The following COPRS variants were observed in gnomAD, a reference collection of about 807,000 sequenced individuals.
The protein encoded by COPRS is cooperator of PRMT5.
Under a neutral mutation model 19.9 loss-of-function variants are expected in COPRS, and 11 were observed. The ratio of observed to expected loss-of-function variants is 0.55; its 90% CI spans 0.35 to 0.92. COPRS has a LOEUF of 0.92. COPRS is among the 40% of genes least tolerant of loss of function. COPRS has a pLI of 0.01. For missense variants in COPRS, 225 were observed against 229.9 expected, an observed-to-expected ratio of 0.98 and a Z score of 0.14; for synonymous variants, 81 against 82.7, an observed-to-expected ratio of 0.98 and a Z score of 0.11.
intron 2 of COPRS, among the ~76,000 whole-genome samples, chr17:31,854,576 G>A (rs1409796680): frequency 6.6e-6 from 1 of 152,026 alleles, no homozygotes; most frequent in Non-Finnish European, 1.5e-5. Flanking sequence ...TCCATCAATG[G>A]ATGAATGGAA....
chr17:31,855,084 G>GA (rs1283571705), intron 2 of COPRS, among the ~76,000 whole-genome samples: 3 of 150,914 alleles, frequency 2.0e-5, no homozygotes, highest in East Asian at 1.9e-4. Flanking sequence ...AGAGTTAAAA[G>GA]AAAAAAAAAG....
rs1030271248 is a variant in COPRS at position 31,852,216 on chromosome 17, G to A, written c.478C>T (p.His160Tyr). The change falls in exon 4 of 4, where the codon CAC (histidine) becomes TAC (tyrosine). Residue 160 changes from histidine to tyrosine, a missense_variant. His to Tyr is a moderately conservative substitution (Grantham distance 83). This residue lies in a region of COPRS where 170 missense variants were observed against 171.4 expected (regional missense o/e 0.99). Coordinates refer to ENST00000302362, the MANE Select transcript of COPRS (RefSeq NM_018405.4). ...TAGGGTATCAGTGGAGGCGGATGGT[G>A]CCAGCTGGGGTCATAGATCATGTCT... ...QGDMIYDPSWHHPPPLIPYYS... is the reference protein window; with the variant it reads ...QGDMIYDPSWYHPPPLIPYYS... 12 of 1,614,014 alleles carry A rather than the reference G, an allele frequency of 7.4e-6. No individual in the cohort carries two copies. Among genetic ancestry groups the A allele is most frequent in the Non-Finnish European group, 1.0e-5 (12 of 1,180,012 alleles).
rs200190644 is a variant in COPRS, at chr17:31,852,314, G to C, written c.386-6C>G. 151 of 1,598,294 alleles carry C rather than the reference G, an allele frequency of 9.4e-5. No individual in the cohort carries two copies. In the African/African-American group the frequency reaches 1.9e-3, roughly 21 times the overall value. ...CTCCTGGATGTCGTCAGCATCTGCAGGCAGTTTTAAAAGACAGATTAAGGG... is the reference window on the plus strand; with the variant it reads ...CTCCTGGATGTCGTCAGCATCTGCACGCAGTTTTAAAAGACAGATTAAGGG... On this transcript the variant is annotated splice_polypyrimidine_tract_variant and splice_region_variant and intron_variant, in intron 3 of 3. Coordinates refer to ENST00000302362, the MANE Select transcript of COPRS (RefSeq NM_018405.4).
Position 31,859,229 on chromosome 17 carries a change from A to T in COPRS, c.-30T>A, listed in dbSNP as rs934785858. 2.1e-6 allele frequency: 2 copies of T among 955,446 alleles called. No homozygotes were observed. The highest frequency in any genetic ancestry group is 3.5e-5 in the African/African-American group (2 of 56,836). 59.2% of individuals were successfully genotyped at this position (955,446 alleles called of 1,614,324 possible). On this transcript the variant is annotated 5_prime_UTR_variant, in exon 1 of 4. Coordinates refer to ENST00000302362, the MANE Select transcript of COPRS (RefSeq NM_018405.4). ...TGCGGCCCGCGGCTGGTCGCCCTGG[A>T]CGCCGTGGGCCACGTGACGCGCCGG...
chr17:31,859,170 C>G lies in COPRS; in HGVS notation c.30G>C (p.Ala10=). MDLQAAGAQ[A]QGAAEPSRGP... is the part of the protein sequence containing the mutation. ...CCCGAGACGGCTCCGCGGCCCCCTG[C>G]GCCTGGGCCCCGGCGGCCTGAAGGT... Residue 10 remains alanine (A), a synonymous_variant, in exon 1 of 4, where the codon GCG becomes GCC. Coordinates refer to ENST00000302362, the MANE Select transcript of COPRS (RefSeq NM_018405.4). The G allele has an allele frequency of 9.4e-7, 1 of 1,065,038 alleles. No homozygotes were observed. Among genetic ancestry groups the G allele is most frequent in the Non-Finnish European group, 1.1e-6 (1 of 882,248 alleles). The allele number at this position is 1,065,038 out of a possible 1,614,324, so 66.0% of individuals were successfully genotyped here. A position where few individuals can be genotyped will look rare whatever the true frequency, so the allele number is the denominator to read the frequency against.
intron 2 of COPRS, among the ~76,000 whole-genome samples, chr17:31,856,361 C>A (rs1293664566): frequency 1.3e-5 from 2 of 152,016 alleles, no homozygotes; most frequent in Non-Finnish European, 2.9e-5. Flanking sequence ...TGAGAGAGAA[C>A]ACATTCACGT....
Position 31,859,105 on chromosome 17 carries a change from G to A in COPRS, c.95C>T (p.Pro32Leu). 9.1e-7 allele frequency: 1 copy of A among 1,095,552 alleles called. No homozygotes were observed. 67.9% of individuals were successfully genotyped at this position (1,095,552 alleles called of 1,614,324 possible). A position where few individuals can be genotyped will look rare whatever the true frequency, so the allele number is the denominator to read the frequency against. Residue 32 changes from proline to leucine, a missense_variant, in exon 1 of 4, where the codon CCG (proline) becomes CTG (leucine). Pro to Leu is a moderately conservative substitution (Grantham distance 98, BLOSUM62 -3). Coordinates refer to ENST00000302362, the MANE Select transcript of COPRS (RefSeq NM_018405.4). Reference sequence around the variant, plus strand: ...TGGCCCCCACGCGGCGCTCACCTCCGGGCTGGGGGGCGCCCCCCGCGCGCT... The same window carrying A: ...TGGCCCCCACGCGGCGCTCACCTCCAGGCTGGGGGGCGCCCCCCGCGCGCT... ...LPSARGAPPS[P>L]EAGFATADHS...
At chr17:31,856,621 G>C (rs746928569) in intron 2 of COPRS, 178 bp downstream of exon 2, 2 of 643,582 alleles carry the variant, frequency 3.1e-6, no homozygotes, top group Non-Finnish European at 5.4e-6. Context: ...AAAAGTTCAG[G>C]ACTTCCCTTA....
chr17:31,853,158 A>G lies in COPRS; in HGVS notation c.167-128T>C, dbSNP rs139324450. On this transcript the variant is annotated intron_variant, in intron 2 of 3. Coordinates refer to ENST00000302362, the MANE Select transcript of COPRS (RefSeq NM_018405.4). ...TGCACAGAGTCTTCTTTAGCCACCG[A>G]GCACTTTTTTAAAAATGCACTTCTT... 2.0e-3 allele frequency: 1,395 copies of G among 711,232 alleles called. 16 individuals carry two copies. The African/African-American group carries it at 0.023, about 11-fold the overall frequency. The allele number at this position is 711,232 out of a possible 1,614,324, so 44.1% of individuals were successfully genotyped here. A position where few individuals can be genotyped will look rare whatever the true frequency, so the allele number is the denominator to read the frequency against.
In COPRS at chr17:31,859,222, G is replaced by A; in HGVS notation, c.-23C>T. ...CATGCCCTGCGGCCCGCGGCTGGTCGCCCTGGACGCCGTGGGCCACGTGAC... is the reference window on the plus strand; with the variant it reads ...CATGCCCTGCGGCCCGCGGCTGGTCACCCTGGACGCCGTGGGCCACGTGAC... On this transcript the variant is annotated 5_prime_UTR_variant, in exon 1 of 4. Coordinates refer to ENST00000302362, the MANE Select transcript of COPRS (RefSeq NM_018405.4). The A allele has an allele frequency of 1.0e-6, 1 of 996,872 alleles. No individual in the cohort carries two copies. 61.8% of individuals were successfully genotyped at this position (996,872 alleles called of 1,614,324 possible).
chr17:31,852,109 C>T lies in COPRS; in HGVS notation c.*30G>A, dbSNP rs747608626. On this transcript the variant is annotated 3_prime_UTR_variant, in exon 4 of 4. Transcript: ENST00000302362. ...GAAAAGAGATCTTGACGTGGAGGCC[C>T]GCCCACCTACAAGGCAGAAAGCTCC... 5.6e-6 allele frequency: 9 copies of T among 1,612,526 alleles called. No individual in the cohort carries two copies. Among genetic ancestry groups the T allele is most frequent in the Admixed American group, 1.7e-5 (1 of 59,940 alleles).
chr17:31,855,465 C>T (rs1456159348), intron 2 of COPRS, among the ~76,000 whole-genome samples: 2 of 151,588 alleles, frequency 1.3e-5, no homozygotes, highest in Admixed American at 6.6e-5. Flanking sequence ...CGAGATAGTG[C>T]CACTGCCTGG....
chr17:31,858,835 G>A, intron 1 of COPRS: 1 of 1,548,934 alleles, frequency 6.5e-7, no homozygotes, highest in Non-Finnish European at 8.7e-7. Flanking sequence ...CAAATCCGCA[G>A]CGGCGCCCAG....
chr17:31,853,610 G>C (rs1334837837), intron 2 of COPRS, among the ~76,000 whole-genome samples: 2 of 152,134 alleles, frequency 1.3e-5, no homozygotes, highest in Non-Finnish European at 2.9e-5. Flanking sequence ...TTGAACCCCT[G>C]ACCTTGTGAT....
Position 31,852,015 on chromosome 17 carries a change from G to C in COPRS, c.*124C>G. Reference sequence around the variant, plus strand: ...TGAACACTGTCAATAAGGAACACTGGTCTGTGTACCCCAGACTAGGGGTCA... The same window carrying C: ...TGAACACTGTCAATAAGGAACACTGCTCTGTGTACCCCAGACTAGGGGTCA... On this transcript the variant is annotated 3_prime_UTR_variant, in exon 4 of 4. Coordinates refer to ENST00000302362, the MANE Select transcript of COPRS (RefSeq NM_018405.4). The C allele has an allele frequency of 9.3e-7, 1 of 1,078,264 alleles. No individual in the cohort carries two copies. Among genetic ancestry groups the C allele is most frequent in the Non-Finnish European group, 1.4e-6 (1 of 732,476 alleles). The allele number at this position is 1,078,264 out of a possible 1,614,324, so 66.8% of individuals were successfully genotyped here. A position where few individuals can be genotyped will look rare whatever the true frequency, so the allele number is the denominator to read the frequency against.
Position 31,859,125 on chromosome 17 carries a change from C to A in COPRS, c.75G>T (p.Ala25=). ...EPSRGPPLPS[A]RGAPPSPEAG... is the part of the protein sequence containing the mutation. ...CCTCCGGGCTGGGGGGCGCCCCCCG[C>A]GCGCTAGGCAGCGGCGGGCCCCGAG... The change falls in exon 1 of 4, where the codon GCG becomes GCT. Residue 25 remains alanine, a synonymous_variant. Transcript: ENST00000302362. The A allele has an allele frequency of 9.2e-7, 1 of 1,086,340 alleles. No homozygotes were observed. Among genetic ancestry groups the A allele is most frequent in the South Asian group, 4.3e-5 (1 of 23,500 alleles). The allele number at this position is 1,086,340 out of a possible 1,614,324, so 67.3% of individuals were successfully genotyped here.
chr17:31,858,868 G>A (rs930041405), intron 1 of COPRS: 5 of 1,542,096 alleles, frequency 3.2e-6, no homozygotes, highest in African/African-American at 2.7e-5. Flanking sequence ...CGTCTCTGCT[G>A]ACCCAGAGCG....
Position 31,859,092 on chromosome 17 carries a change from G to A in COPRS, c.99+9C>T. On this transcript the variant is annotated intron_variant, in intron 1 of 3. Transcript: ENST00000302362. The stretch of plus-strand genomic sequence containing the variant: ...TGGCTGTTGCTCCTGGCCCCCACGC[G>A]GCGCTCACCTCCGGGCTGGGGGGCG... 1 of 1,120,004 alleles carries A rather than the reference G, an allele frequency of 8.9e-7. No individual in the cohort carries two copies. Among genetic ancestry groups the A allele is most frequent in the Non-Finnish European group, 1.1e-6 (1 of 918,926 alleles). 69.4% of individuals were successfully genotyped at this position (1,120,004 alleles called of 1,614,324 possible).
intron 1 of COPRS, chr17:31,858,351 G>A (rs1009966180): frequency 1.1e-5 from 11 of 984,958 alleles, no homozygotes; most frequent in Middle Eastern, 5.2e-4. Flanking sequence ...TGTAAGTGTC[G>A]CTGCATTTTT....
Sources: gnomAD v4.1 joint callset for allele counts (sites outside exome capture counted in the v4.1 genomes callset) on GRCh38, gnomAD v4.1.1 for gene constraint, gnomAD v4.1.1 regional missense constraint, MANE v1.5 for transcripts, NCBI Gene and HGNC (gene_info 2026-07-23, HGNC 2026-07-21) for gene names.